The following TGFBR1 variants were observed in gnomAD, a reference collection of about 807,000 sequenced individuals.
TGFBR1 encodes the protein transforming growth factor beta receptor 1, also known as TGF-beta receptor type-1.
A neutral mutation model predicts 55.1 loss-of-function variants in TGFBR1; 20 were observed. The observed-to-expected ratio is 0.36, with a 90% CI of 0.26 to 0.53. TGFBR1 has a LOEUF of 0.53. Ranked by LOEUF, TGFBR1 falls within the 20% of genes least tolerant of loss-of-function variation. TGFBR1 has a pLI of 0.91. For missense variants in TGFBR1, 385 were observed against 617.6 expected (o/e 0.62, Z 3.99); for synonymous variants, 220 against 214.8 (o/e 1.02, Z -0.21).
At chr9:99,129,898 A>G (rs1346807692) in intron 2 of TGFBR1, among the ~76,000 whole-genome samples, 1 of 148,976 alleles carries the variant, frequency 6.7e-6, no homozygotes, top group East Asian at 1.9e-4. Context: ...GGCTCTGTCT[A>G]AAAAAAAAAG....
chr9:99,104,268 AG>A (rs1195963262), upstream of TGFBR1, among the ~76,000 whole-genome samples: 1 of 152,126 alleles, frequency 6.6e-6, no homozygotes, highest in Non-Finnish European at 1.5e-5. Flanking sequence ...GGTGCTAAGA[AG>A]GGGGAACCCC....
intron 1 of TGFBR1, among the ~76,000 whole-genome samples, chr9:99,121,268 G>A (rs1826890682): frequency 6.6e-6 from 1 of 152,160 alleles, no homozygotes; most frequent in Non-Finnish European, 1.5e-5. Flanking sequence ...TATTACTGCT[G>A]CAAGGTAGCC....
At position 99,152,931 on chromosome 9, in the gene TGFBR1, A is replaced by T. The variant is rs1477295964; in HGVS notation, c.*3626A>T. On this transcript the variant is annotated 3_prime_UTR_variant, in exon 9 of 9. Coordinates refer to ENST00000374994, the MANE Select transcript of TGFBR1 (RefSeq NM_004612.4). Reference sequence around the variant, plus strand: ...TTAAACTTTTCAATCCCATTATGCAATCTTGTTTGTAAATGTAAACTTCTA... The same window carrying T: ...TTAAACTTTTCAATCCCATTATGCATTCTTGTTTGTAAATGTAAACTTCTA... The T allele has an allele frequency of 4.3e-6, 1 of 229,938 alleles. No homozygotes were observed. The highest frequency in any genetic ancestry group is 8.6e-6 in the Non-Finnish European group (1 of 115,740). The allele number at this position is 229,938 out of a possible 1,614,324, so 14.2% of individuals were successfully genotyped here.
intron 8 of TGFBR1, among the ~76,000 whole-genome samples, chr9:99,148,810 C>A (rs528905998): frequency 6.7e-6 from 1 of 148,340 alleles, no homozygotes; most frequent in Non-Finnish European, 1.5e-5. Context: ...CCACTTTGGG[C>A]GGCAGAGTGA....
At position 99,146,620 on chromosome 9, in the gene TGFBR1, C is replaced by G. The variant is rs751914671; in HGVS notation, c.1255+11C>G. On this transcript the variant is annotated intron_variant, in intron 7 of 8. Coordinates refer to ENST00000374994, the MANE Select transcript of TGFBR1 (RefSeq NM_004612.4). ...GATGTTCCATTGGTGGTAAATTGCT[C>G]TCCTCTCCCCCAGTAGTTTGTCATG... 1.2e-6 allele frequency: 2 copies of G among 1,613,776 alleles called. No individual in the cohort carries two copies. Among genetic ancestry groups the G allele is most frequent in the Admixed American group, 3.3e-5 (2 of 60,008 alleles).
chr9:99,121,934 A>G (rs970101075), intron 1 of TGFBR1, among the ~76,000 whole-genome samples: 2 of 152,266 alleles, frequency 1.3e-5, no homozygotes, highest in East Asian at 1.9e-4. Context: ...TAAAAGGCCA[A>G]GAGGCTTGGA....
chr9:99,105,096 C>T, upstream of TGFBR1: 9 of 884,960 alleles, frequency 1.0e-5, no homozygotes, highest in Non-Finnish European at 1.2e-5. Context: ...TACAAAGGGC[C>T]GGAGCGAGGC....
chr9:99,138,120 A>G (rs780655949), intron 4 of TGFBR1, 31 bp downstream of exon 4: 2 of 1,570,934 alleles, frequency 1.3e-6, no homozygotes, highest in Middle Eastern at 1.7e-4. Context: ...CTTATGTTAT[A>G]TATAACAAGA....
intron 3 of TGFBR1, among the ~76,000 whole-genome samples, chr9:99,136,351 T>C (rs1161216027): frequency 6.6e-6 from 1 of 152,216 alleles, no homozygotes; most frequent in African/African-American, 2.4e-5. Flanking sequence ...GTCAGGTGTT[T>C]TCAGAATTTG....
chr9:99,140,157 AAAAAC>A (rs1432633676), intron 4 of TGFBR1, among the ~76,000 whole-genome samples: 1 of 152,194 alleles, frequency 6.6e-6, no homozygotes, highest in African/African-American at 2.4e-5. Flanking sequence ...CTCTTAAGTT[AAAAAC>A]AAAACAGGCC....
upstream of TGFBR1, among the ~76,000 whole-genome samples, chr9:99,104,320 T>G (rs1288556336): frequency 6.6e-6 from 1 of 152,148 alleles, no homozygotes; most frequent in Non-Finnish European, 1.5e-5. Flanking sequence ...CTTTCCAACC[T>G]GGATCGGGAA....
chr9:99,138,698 T>C (rs1417020386), intron 4 of TGFBR1, among the ~76,000 whole-genome samples: 1 of 152,194 alleles, frequency 6.6e-6, no homozygotes, highest in Admixed American at 6.5e-5. Flanking sequence ...GAAGGAAGCC[T>C]GTCAGCAGGG....
At chr9:99,130,728 G>A (rs1827198162) in intron 2 of TGFBR1, among the ~76,000 whole-genome samples, 1 of 152,178 alleles carries the variant, frequency 6.6e-6, no homozygotes, top group South Asian at 2.1e-4. Context: ...GAACTAGATA[G>A]ATTAGATGTC....
intron 5 of TGFBR1, 37 bp from the exon 6 acceptor site, chr9:99,144,695 C>A (rs777928682): frequency 3.7e-6 from 6 of 1,612,284 alleles, no homozygotes; most frequent in Middle Eastern, 1.7e-4. Flanking sequence ...ATTGGTATTA[C>A]CTTTTAAGCA....
intron 1 of TGFBR1, among the ~76,000 whole-genome samples, chr9:99,109,666 G>A (rs750324810): frequency 4.6e-5 from 7 of 152,150 alleles, no homozygotes; most frequent in Non-Finnish European, 8.8e-5. Context: ...TGCAAATGTC[G>A]ACACACCTCT....
intron 4 of TGFBR1, 81 bp downstream of exon 4, chr9:99,138,170 C>A: frequency 8.2e-7 from 1 of 1,221,436 alleles, no homozygotes; most frequent in South Asian, 1.2e-5. Context: ...TAACCATCAT[C>A]AAAGTAGATG....
At chr9:99,135,131 T>C (rs983849303) in intron 3 of TGFBR1, among the ~76,000 whole-genome samples, 1 of 152,122 alleles carries the variant, frequency 6.6e-6, no homozygotes, top group African/African-American at 2.4e-5. Flanking sequence ...GTTACTCTTA[T>C]TGAAAACATA....
chr9:99,128,200 G>C (rs769806427), intron 1 of TGFBR1, among the ~76,000 whole-genome samples: 2 of 152,158 alleles, frequency 1.3e-5, no homozygotes, highest in Non-Finnish European at 2.9e-5. Context: ...TCTGTAGTTA[G>C]GTTGCCTATG....
chr9:99,153,265 G>C lies in TGFBR1; in HGVS notation c.*3960G>C, dbSNP rs1226702485. ...AGGTTTGCAGTTTTATTTCTATAAAGTATGGGTATTATGTTGCTCAGTTAC... is the reference window on the plus strand; with the variant it reads ...AGGTTTGCAGTTTTATTTCTATAAACTATGGGTATTATGTTGCTCAGTTAC... On this transcript the variant is annotated 3_prime_UTR_variant, in exon 9 of 9. Transcript: ENST00000374994. 1 of 221,026 alleles carries C rather than the reference G, an allele frequency of 4.5e-6. No individual in the cohort carries two copies. Among genetic ancestry groups the C allele is most frequent in the Non-Finnish European group, 9.1e-6 (1 of 110,154 alleles). The allele number at this position is 221,026 out of a possible 1,614,324, so 13.7% of individuals were successfully genotyped here.
Sources: gnomAD v4.1 joint callset for allele counts (sites outside exome capture counted in the v4.1 genomes callset) on GRCh38, gnomAD v4.1.1 for gene constraint, MANE v1.5 for transcripts, NCBI Gene and HGNC (gene_info 2026-07-23, HGNC 2026-07-21) for gene names.